Variants in ZNF609 observed in about 807,000 individuals in gnomAD.
The protein encoded by ZNF609 is zinc finger protein 609.
A neutral mutation model predicts 109.5 loss-of-function variants in ZNF609; 11 were observed. That is an observed-to-expected ratio of 0.10 (90% CI 0.06 to 0.17). ZNF609 has a LOEUF of 0.17. Among genes scored for constraint, ZNF609 ranks in the 10% least tolerant of loss-of-function variants. The pLI is 1.00. For synonymous variants in ZNF609, 646 were observed against 662.0 expected (o/e 0.98, Z 0.37); for missense variants, 1,559 against 1,772.4 (o/e 0.88, Z 2.16).
chr15:64,533,573 A>G (rs891145908), intron 2 of ZNF609, among the ~76,000 whole-genome samples: 2 of 152,152 alleles, frequency 1.3e-5, no homozygotes, highest in African/African-American at 4.8e-5. Context: ...GTTCCAAAAT[A>G]TTGTTGTCTC....
intron 2 of ZNF609, among the ~76,000 whole-genome samples, chr15:64,514,387 T>G (rs890756491): frequency 6.6e-6 from 1 of 152,204 alleles, no homozygotes; most frequent in African/African-American, 2.4e-5. Context: ...ATATTTACAT[T>G]TCAGTTCCAA....
chr15:64,603,157 T>C (rs1202831259), intron 2 of ZNF609, among the ~76,000 whole-genome samples: 2 of 152,106 alleles, frequency 1.3e-5, no homozygotes, highest in East Asian at 3.8e-4. Context: ...AATTTGCCAT[T>C]GTTGCTGTTG....
chr15:64,652,335 T>A (rs1424546483), intron 3 of ZNF609, among the ~76,000 whole-genome samples: 1 of 149,130 alleles, frequency 6.7e-6, no homozygotes, highest in African/African-American at 2.5e-5. Flanking sequence ...TATTTTTATT[T>A]TATATATATA....
chr15:64,571,632 A>G (rs1292343014), intron 2 of ZNF609, among the ~76,000 whole-genome samples: 1 of 152,190 alleles, frequency 6.6e-6, no homozygotes, highest in Non-Finnish European at 1.5e-5. Context: ...AGGAAATAGT[A>G]GAACAGGATT....
rs71133459 is a variant in ZNF609 at position 64,614,810 on chromosome 15, C to CT, written c.748-7990dup. Among the ~76,000 whole-genome samples the CT allele has an allele frequency of 7.0e-3, 242 of 34,376 alleles. 27 individuals are homozygous for CT. The highest frequency in any genetic ancestry group is 0.018 in the African/African-American group (226 of 12,364). The allele number at this position is 34,376 out of a possible 152,430, so 22.6% of individuals were successfully genotyped here. A position where few individuals can be genotyped will look rare whatever the true frequency, so the allele number is the denominator to read the frequency against. Reference sequence around the variant, plus strand: ...GATTATTGGTAAAGATAACATCTCGCTTTTTTTTTTTTTTTTTTTTTTTTT... The same window carrying CT: ...GATTATTGGTAAAGATAACATCTCGCTTTTTTTTTTTTTTTTTTTTTTTTTT... On this transcript the variant is annotated intron_variant, in intron 2 of 9. Coordinates refer to ENST00000326648, the MANE Select transcript of ZNF609 (RefSeq NM_015042.2).
In ZNF609 at chr15:64,675,047, C is replaced by T; in HGVS notation, c.2193C>T (p.Asp731=). The T allele has an allele frequency of 6.2e-7, 1 of 1,612,978 alleles. No individual in the cohort carries two copies. Among genetic ancestry groups the T allele is most frequent in the Admixed American group, 1.7e-5 (1 of 59,772 alleles). The change falls in exon 5 of 10, where the codon GAC becomes GAT. Residue 731 remains aspartate, a synonymous_variant. Coordinates refer to ENST00000326648, the MANE Select transcript of ZNF609 (RefSeq NM_015042.2). ...CAGCCAAGGACAAGAAAAAGAAAGA[C>T]AAAAAAAAGAAGGAATCTTCAAAGG... ...LTPAKDKKKK[D]KKKKESSKEL...
intron 2 of ZNF609, chr15:64,501,265 T>C (rs1189650817): frequency 6.6e-6 from 1 of 152,232 alleles, no homozygotes; most frequent in African/African-American, 2.4e-5. Context: ...AGGCTGGATG[T>C]GTATGTTTGG....
intron 1 of ZNF609, among the ~76,000 whole-genome samples, chr15:64,490,839 G>A (rs1893403395): frequency 6.6e-6 from 1 of 152,332 alleles, no homozygotes; most frequent in South Asian, 2.1e-4. Flanking sequence ...GGAAGAGTCA[G>A]TTGCTTATGT....
At position 64,685,902 on chromosome 15, in the gene ZNF609, C is replaced by CTT. The variant is rs1567048568; in HGVS notation, c.*4216_*4217insTT. ...GGGTGGTATACTCTGAAACACAGCC[C>CTT]AACCAAACCATTGTTTGGCCGCTTT... On this transcript the variant is annotated 3_prime_UTR_variant, in exon 10 of 10. Coordinates refer to ENST00000326648, the MANE Select transcript of ZNF609 (RefSeq NM_015042.2). 6.6e-6 allele frequency: 1 copy of CTT among 152,178 alleles called. No individual in the cohort carries two copies. The highest frequency in any genetic ancestry group is 1.5e-5 in the Non-Finnish European group (1 of 68,026). The allele number at this position is 152,178 out of a possible 1,614,324, so 9.4% of individuals were successfully genotyped here.
In ZNF609 at chr15:64,625,934, TATAG is replaced by T. The variant is rs1177127655; in HGVS notation, c.973+2884_973+2887del. Among the ~76,000 whole-genome samples, 470 of 71,020 alleles carry T rather than the reference TATAG, an allele frequency of 6.6e-3. 1 individual carries two copies. Among genetic ancestry groups the T allele is most frequent in the African/African-American group, 0.022 (394 of 17,866 alleles). The allele number at this position is 71,020 out of a possible 152,430, so 46.6% of individuals were successfully genotyped here. ...AAAAAAATATATATATATATATATA[TATAG>T]AGAGAGAGAGAGAGAGAGAGAGAGA... On this transcript the variant is annotated intron_variant, in intron 3 of 9. Transcript: ENST00000326648.
intron 2 of ZNF609, among the ~76,000 whole-genome samples, chr15:64,526,616 A>ATT (rs200092334): frequency 6.7e-6 from 1 of 148,616 alleles, no homozygotes; most frequent in Non-Finnish European, 1.5e-5. Context: ...TGAATATGGG[A>ATT]TTTTTTTTTT....
chr15:64,491,622 G>A (rs1488889434), intron 1 of ZNF609, among the ~76,000 whole-genome samples: 4 of 152,062 alleles, frequency 2.6e-5, no homozygotes, highest in African/African-American at 4.8e-5. Flanking sequence ...GCTGAGGTGG[G>A]CAGATCACTA....
At chr15:64,668,750 T>G (rs1896685256) in intron 3 of ZNF609, among the ~76,000 whole-genome samples, 4 of 151,878 alleles carry the variant, frequency 2.6e-5, no homozygotes, top group Admixed American at 2.0e-4. Context: ...GGTCGGGAGA[T>G]TGAGACCAGC....
chr15:64,667,533 A>C (rs1053075937), intron 3 of ZNF609, among the ~76,000 whole-genome samples: 1 of 151,706 alleles, frequency 6.6e-6, no homozygotes, highest in Non-Finnish European at 1.5e-5. Flanking sequence ...ACATGGTGAA[A>C]CCCTGTCTCT....
intron 2 of ZNF609, among the ~76,000 whole-genome samples, chr15:64,576,917 CATATATGTGTATATAT>C (rs1205162864): frequency 1.4e-4 from 17 of 118,084 alleles, no homozygotes; most frequent in South Asian, 5.2e-4. Context: ...TGTATATATA[CATATATGTGTATATAT>C]ACATATAAAT....
At chr15:64,477,136 CTTTTTTTTTTTT>C (rs911785223) in intron 1 of ZNF609, among the ~76,000 whole-genome samples, 2 of 105,770 alleles carry the variant, frequency 1.9e-5, no homozygotes, top group South Asian at 3.1e-4. Context: ...TCTTCTCTTT[CTTTTTTTTTTTT>C]TTTTTTTTTT....
chr15:64,536,503 A>G (rs1006324949), intron 2 of ZNF609, among the ~76,000 whole-genome samples: 6 of 152,110 alleles, frequency 3.9e-5, no homozygotes, highest in African/African-American at 1.4e-4. Context: ...TGAGTTATAT[A>G]GTTTCTGAAT....
Position 64,675,552 on chromosome 15 carries a change from T to C in ZNF609, c.2698T>C (p.Ser900Pro). ...TTACCAAGGCTTTGAGAGTTACTAT[T>C]CTCCAAGTTATGCACAGTCCAGCCC... ...PYYQGFESYY[S>P]PSYAQSSPGA... is the part of the protein sequence containing the mutation. The change falls in exon 5 of 10, where the codon TCT becomes CCT. Residue 900 changes from serine to proline, a missense_variant. By Grantham distance (74) the Ser-to-Pro change is moderately conservative (BLOSUM62 -1). Around this residue, in one of 4 missense-constraint regions of ZNF609, gnomAD observed 1,204 missense variants for 1,314.1 expected, o/e 0.92. Coordinates refer to ENST00000326648, the MANE Select transcript of ZNF609 (RefSeq NM_015042.2). 6.2e-7 allele frequency: 1 copy of C among 1,613,940 alleles called. No homozygotes were observed. The highest frequency in any genetic ancestry group is 8.5e-7 in the Non-Finnish European group (1 of 1,180,002).
In ZNF609 at chr15:64,674,394, T is replaced by C; in HGVS notation, c.1540T>C (p.Tyr514His). The change falls in exon 5 of 10, where the codon TAC (tyrosine) becomes CAC (histidine). Residue 514 changes from tyrosine (Y) to histidine (H), a missense_variant. Transcript: ENST00000326648. ...GTACAAGCACATCAATGGACTTAAG[T>C]ACCACCAAGCTCATGCCCATACAGA... The part of the protein sequence containing the change: ...KKYKHINGLK[Y>H]HQAHAHTDDD... 1 of 1,614,130 alleles carries C rather than the reference T, an allele frequency of 6.2e-7. No homozygotes were observed. The highest frequency in any genetic ancestry group is 8.5e-7 in the Non-Finnish European group (1 of 1,180,036).
Sources: gnomAD v4.1 joint callset for allele counts (sites outside exome capture counted in the v4.1 genomes callset) on GRCh38, gnomAD v4.1.1 for gene constraint, gnomAD v4.1.1 regional missense constraint, MANE v1.5 for transcripts, NCBI Gene and HGNC (gene_info 2026-07-23, HGNC 2026-07-21) for gene names.